Variants in FAM120A observed in about 807,000 individuals in gnomAD.
The protein encoded by FAM120A is constitutive coactivator of PPAR-gamma-like protein 1.
FAM120A carries 15 observed loss-of-function variants against 109.7 expected under a neutral mutation model. That is an observed-to-expected ratio of 0.14 (90% CI 0.09 to 0.21). FAM120A has a LOEUF of 0.21. FAM120A is among the 10% of genes least tolerant of loss of function. The pLI is 1.00. For synonymous variants in FAM120A, 493 were observed against 572.8 expected, an observed-to-expected ratio of 0.86 and a Z score of 1.99; for missense variants, 899 against 1,439.3, an observed-to-expected ratio of 0.62 and a Z score of 6.07.
chr9:93,494,506 G>A (rs544472531), intron 3 of FAM120A, among the ~76,000 whole-genome samples: 1 of 152,260 alleles, frequency 6.6e-6, no homozygotes, highest in Non-Finnish European at 1.5e-5. Context: ...AGCATTCGTG[G>A]CCTGTTCCAT....
chr9:93,508,818 G>A (rs1002792485), intron 5 of FAM120A, among the ~76,000 whole-genome samples: 6 of 152,160 alleles, frequency 3.9e-5, no homozygotes, highest in Non-Finnish European at 7.3e-5. Context: ...TCCCAGTGTC[G>A]CATTGCTCAA....
chr9:93,524,122 A>C (rs547489676), intron 7 of FAM120A, among the ~76,000 whole-genome samples: 31 of 152,372 alleles, frequency 2.0e-4, no homozygotes, highest in Non-Finnish European at 3.8e-4. Flanking sequence ...GAGCAGATAG[A>C]AATGAAAAAT....
intron 3 of FAM120A, among the ~76,000 whole-genome samples, chr9:93,483,133 C>T (rs75845422): frequency 0.011 from 1,655 of 152,238 alleles, 35 homozygotes; most frequent in African/African-American, 0.037. Flanking sequence ...CTGACTTTCA[C>T]CTATATTGTC....
chr9:93,523,454 CTTTATA>C (rs5899181), intron 7 of FAM120A: 81,066 of 445,964 alleles, frequency 0.18, 9,671 homozygotes, highest in African/African-American at 0.45. Flanking sequence ...CAGATATCCA[CTTTATA>C]TTTATGTTTT....
At position 93,466,248 on chromosome 9, in the gene FAM120A, T is replaced by C. The variant is rs116197954; in HGVS notation, c.475-4893T>C. 5.7e-3 allele frequency among the ~76,000 whole-genome samples: 861 copies of C among 152,320 alleles called. 6 individuals are homozygous for C. The highest frequency in any genetic ancestry group is 0.02 in the African/African-American group (825 of 41,564). ...GTATGGTATTATTTGAATTCTTCTGTAGGGAAAATGTGTCTCTTCCCCCTT... is the reference window on the plus strand; with the variant it reads ...GTATGGTATTATTTGAATTCTTCTGCAGGGAAAATGTGTCTCTTCCCCCTT... On this transcript the variant is annotated intron_variant, in intron 1 of 17. Coordinates refer to ENST00000277165, the MANE Select transcript of FAM120A (RefSeq NM_014612.5).
intron 15 of FAM120A, among the ~76,000 whole-genome samples, chr9:93,560,162 G>C (rs1862422319): frequency 6.6e-6 from 1 of 152,048 alleles, no homozygotes; most frequent in African/African-American, 2.4e-5. Flanking sequence ...AGGTATGGTG[G>C]TGCACACCTG....
At chr9:93,468,036 C>T (rs1022209108) in intron 1 of FAM120A, among the ~76,000 whole-genome samples, 3 of 152,066 alleles carry the variant, frequency 2.0e-5, no homozygotes, top group African/African-American at 7.2e-5. Context: ...CGCCCGCCAC[C>T]ACGCCTGGCT....
intron 11 of FAM120A, 25 bp from the exon 12 acceptor site, chr9:93,550,552 A>C: frequency 3.1e-6 from 5 of 1,591,722 alleles, no homozygotes; most frequent in Non-Finnish European, 4.3e-6. Flanking sequence ...GTAATCACCA[A>C]CCTTTTGTTT....
intron 12 of FAM120A, among the ~76,000 whole-genome samples, chr9:93,552,261 A>G (rs1862126874): frequency 1.3e-5 from 2 of 152,214 alleles, no homozygotes; most frequent in Non-Finnish European, 2.9e-5. Context: ...ATAGGATATA[A>G]CTTTTGAAAA....
At chr9:93,510,651 A>G (rs397834981) in intron 5 of FAM120A, among the ~76,000 whole-genome samples, 9 of 152,166 alleles carry the variant, frequency 5.9e-5, no homozygotes, top group South Asian at 2.1e-4. Flanking sequence ...TGTTGCTTTT[A>G]TGAGTGTGTG....
intron 7 of FAM120A, among the ~76,000 whole-genome samples, chr9:93,520,697 C>T (rs748387916): frequency 2.0e-5 from 3 of 152,152 alleles, no homozygotes; most frequent in Non-Finnish European, 2.9e-5. Context: ...ATTGCAGCAA[C>T]ATTGGTGGAA....
intron 3 of FAM120A, among the ~76,000 whole-genome samples, chr9:93,478,508 G>A (rs1025847938): frequency 6.6e-6 from 1 of 152,144 alleles, no homozygotes; most frequent in South Asian, 2.1e-4. Flanking sequence ...ACAGAGTCTT[G>A]CTCTGTCACC....
intron 5 of FAM120A, among the ~76,000 whole-genome samples, chr9:93,503,651 G>A (rs1417151884): frequency 6.6e-6 from 1 of 152,060 alleles, no homozygotes; most frequent in Admixed American, 6.6e-5. Context: ...TGGATACATG[G>A]CATTATACTT....
intron 5 of FAM120A, among the ~76,000 whole-genome samples, chr9:93,502,559 G>GACACACACACACAC (rs1459051943): frequency 3.4e-5 from 2 of 59,402 alleles, no homozygotes; most frequent in Non-Finnish European, 7.7e-5. Flanking sequence ...TTCTTAGGAG[G>GACACACACACACAC]ACACATACAC....
At chr9:93,553,188 G>A (rs908835101) in intron 12 of FAM120A, among the ~76,000 whole-genome samples, 16 of 152,202 alleles carry the variant, frequency 1.1e-4, no homozygotes, top group Non-Finnish European at 2.4e-4. Flanking sequence ...CAGCATGAAT[G>A]TAATTAAGGT....
At chr9:93,524,027 G>T (rs950332700) in intron 7 of FAM120A, among the ~76,000 whole-genome samples, 2 of 152,228 alleles carry the variant, frequency 1.3e-5, no homozygotes, top group African/African-American at 4.8e-5. Context: ...GCCTTCTGTT[G>T]CCCTGCACCA....
intron 1 of FAM120A, among the ~76,000 whole-genome samples, chr9:93,469,070 T>C (rs1489499038): frequency 6.6e-6 from 1 of 152,222 alleles, no homozygotes; most frequent in Non-Finnish European, 1.5e-5. Context: ...GCATGGATAC[T>C]CTTCCTTGGA....
chr9:93,559,533 G>A (rs964105918), intron 15 of FAM120A, among the ~76,000 whole-genome samples: 6 of 152,242 alleles, frequency 3.9e-5, no homozygotes, highest in African/African-American at 7.2e-5. Context: ...CAGATTTGGC[G>A]ACGGGTCAGC....
rs376778977 is a variant in FAM120A, at chr9:93,558,657, A to G, written c.2745A>G (p.Ala915=). ...ACCGTGCCTTCCGTGTGGCGGCAGC[A>G]TCGGGACACTGCGGAGCCTTCTCAG... The part of the protein sequence containing the change: ...GPYRAFRVAA[A]SGHCGAFSGS... The change falls in exon 15 of 18, where the codon GCA becomes GCG. Residue 915 remains alanine (A), a synonymous_variant. Transcript: ENST00000277165. The G allele has an allele frequency of 5.0e-6, 8 of 1,614,068 alleles. No individual in the cohort carries two copies. In the African/African-American group the frequency reaches 9.3e-5, roughly 19 times the overall value.
Sources: allele counts gnomAD v4.1 joint callset (sites outside exome capture counted in the v4.1 genomes callset), GRCh38; gene constraint gnomAD v4.1.1; transcripts MANE v1.5; gene names NCBI Gene and HGNC (gene_info 2026-07-23, HGNC 2026-07-21).